The following TTC28 variants were observed in gnomAD, a reference collection of about 807,000 sequenced individuals.
TTC28 encodes tetratricopeptide repeat domain 28, also known as tetratricopeptide repeat protein 28.
A neutral mutation model predicts 198.0 loss-of-function variants in TTC28; 61 were observed. That is an observed-to-expected ratio of 0.31 (90% confidence interval 0.25 to 0.38). The LOEUF is 0.38. TTC28 is among the 10% of genes least tolerant of loss of function. The pLI is 1.00. For synonymous variants in TTC28, 1,171 were observed against 1,297.8 expected, an observed-to-expected ratio of 0.90 and a Z score of 2.10; for missense variants, 2,678 against 3,164.0, an observed-to-expected ratio of 0.85 and a Z score of 3.69.
intron 16 of TTC28, 99 bp from the exon 17 acceptor site, chr22:27,996,358 A>C (rs1250616251): frequency 6.8e-7 from 1 of 1,479,320 alleles, no homozygotes. Flanking sequence ...TTAACCCAGC[A>C]GAAAGAGCAG....
chr22:28,633,046 G>A (rs958890752), intron 1 of TTC28, among the ~76,000 whole-genome samples: 6 of 151,736 alleles, frequency 4.0e-5, no homozygotes, highest in Non-Finnish European at 5.9e-5. Flanking sequence ...TTGGGAGGCC[G>A]AGGTGGGCGG....
At chr22:28,243,248 A>C (rs1210516043) in intron 5 of TTC28, among the ~76,000 whole-genome samples, 1 of 146,148 alleles carries the variant, frequency 6.8e-6, no homozygotes, top group Non-Finnish European at 1.5e-5. Flanking sequence ...CTGTAGTCTC[A>C]ACTACTTGGG....
At chr22:28,193,844 T>C (rs115735602) in intron 5 of TTC28, among the ~76,000 whole-genome samples, 14,075 of 152,114 alleles carry the variant, frequency 0.093, 753 homozygotes, top group African/African-American at 0.15. Flanking sequence ...AATGAGAGAC[T>C]TTAAGACCCC....
chr22:28,350,840 TA>T (rs1434563057), intron 2 of TTC28, among the ~76,000 whole-genome samples: 10 of 152,312 alleles, frequency 6.6e-5, no homozygotes, highest in East Asian at 3.9e-4. Flanking sequence ...AAAACCCAAT[TA>T]ATCTTTTACA....
At chr22:28,496,512 C>T (rs1179909471) in intron 2 of TTC28, among the ~76,000 whole-genome samples, 1 of 152,090 alleles carries the variant, frequency 6.6e-6, no homozygotes, top group African/African-American at 2.4e-5. Flanking sequence ...TCAGAAAATC[C>T]TGTTGGTTCT....
chr22:28,293,195 G>C (rs952431546), intron 5 of TTC28, among the ~76,000 whole-genome samples: 1 of 152,106 alleles, frequency 6.6e-6, no homozygotes, highest in Non-Finnish European at 1.5e-5. Flanking sequence ...CCAAGATATG[G>C]AAACAACCTA....
chr22:28,503,568 C>A (rs2146373081), intron 2 of TTC28, among the ~76,000 whole-genome samples: 1 of 152,244 alleles, frequency 6.6e-6, no homozygotes, highest in South Asian at 2.1e-4. Context: ...AAAAATGCTA[C>A]CTCACTGAGT....
chr22:28,118,219 T>G (rs990035587), intron 6 of TTC28, among the ~76,000 whole-genome samples: 21 of 152,012 alleles, frequency 1.4e-4, no homozygotes, highest in Non-Finnish European at 1.5e-5. Flanking sequence ...GCCAACATGG[T>G]GAAACCCCGT....
In TTC28 at chr22:28,406,574, T is replaced by G. The variant is rs2047000821; in HGVS notation, c.382-99931A>C. Among the ~76,000 whole-genome samples the G allele has an allele frequency of 2.0e-5, 3 of 152,318 alleles. No individual in the cohort carries two copies. The South Asian group carries it at 6.2e-4, about 32-fold the overall frequency. ...CTAGGGACACATAGAAAGATAATCA[T>G]AAACTTTGATAACATCTGTTACATT... On this transcript the variant is annotated intron_variant, in intron 2 of 22. Transcript: ENST00000397906.
chr22:28,016,862 C>A (rs1033764630), intron 13 of TTC28, among the ~76,000 whole-genome samples: 10 of 152,210 alleles, frequency 6.6e-5, no homozygotes, highest in African/African-American at 1.9e-4. Context: ...GCCCATCTGA[C>A]CCCTCCCTGA....
chr22:28,617,574 A>T (rs2050922806), intron 2 of TTC28, among the ~76,000 whole-genome samples: 1 of 152,208 alleles, frequency 6.6e-6, no homozygotes, highest in African/African-American at 2.4e-5. Flanking sequence ...ATATGAACTG[A>T]CAAAGAATAC....
chr22:28,281,941 C>T (rs555595872), intron 5 of TTC28, among the ~76,000 whole-genome samples: 2 of 152,302 alleles, frequency 1.3e-5, no homozygotes, highest in East Asian at 1.9e-4. Context: ...TTTCCCATCT[C>T]ACTTTCTGGT....
At chr22:28,460,492 G>T (rs2047931794) in intron 2 of TTC28, among the ~76,000 whole-genome samples, 1 of 151,764 alleles carries the variant, frequency 6.6e-6, no homozygotes, top group Non-Finnish European at 1.5e-5. Context: ...CCTGCAACTT[G>T]CTTTTCTGCC....
At chr22:28,574,249 T>A (rs1457894868) in intron 2 of TTC28, among the ~76,000 whole-genome samples, 1 of 152,178 alleles carries the variant, frequency 6.6e-6, no homozygotes, top group Non-Finnish European at 1.5e-5. Context: ...TTGGCTCAAG[T>A]GATCCACCTG....
chr22:28,157,180 C>T (rs1017135019), intron 6 of TTC28, among the ~76,000 whole-genome samples: 5 of 152,064 alleles, frequency 3.3e-5, no homozygotes, highest in Admixed American at 2.6e-4. Context: ...CAACTATACA[C>T]CAATTAAGTT....
intron 2 of TTC28, among the ~76,000 whole-genome samples, chr22:28,404,250 G>C (rs2046964714): frequency 6.6e-6 from 1 of 151,982 alleles, no homozygotes; most frequent in African/African-American, 2.4e-5. Flanking sequence ...CTCCCGAGTA[G>C]CTGGGACTAC....
intron 5 of TTC28, among the ~76,000 whole-genome samples, chr22:28,284,008 C>A (rs566507514): frequency 6.6e-6 from 1 of 152,118 alleles, no homozygotes; most frequent in Admixed American, 6.5e-5. Flanking sequence ...CTCATAAGAA[C>A]CAAGGAGAGA....
At chr22:28,318,817 T>C (rs2145842159) in intron 2 of TTC28, among the ~76,000 whole-genome samples, 1 of 135,602 alleles carries the variant, frequency 7.4e-6, no homozygotes, top group South Asian at 2.6e-4. Flanking sequence ...GTATTCTTTT[T>C]TTTTTTTTTT....
intron 2 of TTC28, among the ~76,000 whole-genome samples, chr22:28,618,681 C>G (rs2050941887): frequency 7.9e-6 from 1 of 127,026 alleles, no homozygotes. Flanking sequence ...GACTCTGTCT[C>G]CAAAAAAAAA....
Sources: allele counts gnomAD v4.1 joint callset (sites outside exome capture counted in the v4.1 genomes callset), GRCh38; gene constraint gnomAD v4.1.1; transcripts MANE v1.5; gene names NCBI Gene and HGNC (gene_info 2026-07-23, HGNC 2026-07-21).